ZNF124: variants seen among roughly 807,000 people sequenced by gnomAD.
ZNF124 encodes the protein zinc finger protein 124.
Under a neutral mutation model 26.6 loss-of-function variants are expected in ZNF124, and 25 were observed. That is an observed-to-expected ratio of 0.94 (90% confidence interval 0.68 to 1.31). The LOEUF (loss-of-function observed/expected upper bound fraction) is 1.31, where lower values mean the gene tolerates loss of function less well. Among genes scored for constraint, ZNF124 ranks in the 40% most tolerant of loss-of-function variants. The probability of loss-of-function intolerance (pLI) is 0.00; values close to 1 mark genes in which losing one functional copy is unlikely to be tolerated. For missense variants in ZNF124, 444 were observed against 422.2 expected, an observed-to-expected ratio of 1.05 and a Z score of -0.45; for synonymous variants, 129 against 133.3, an observed-to-expected ratio of 0.97 and a Z score of 0.22.
intron 3 of ZNF124, among the ~76,000 whole-genome samples, chr1:247,134,850 A>C (rs559498215): frequency 1.1e-4 from 16 of 152,352 alleles, no homozygotes; most frequent in African/African-American, 3.1e-4. Flanking sequence ...CATAATTGGA[A>C]GTAAGACACT....
At chr1:247,124,846 G>T (rs1216650661) in intron 3 of ZNF124, among the ~76,000 whole-genome samples, 1 of 152,162 alleles carries the variant, frequency 6.6e-6, no homozygotes, top group Non-Finnish European at 1.5e-5. Context: ...CACCCAGGCT[G>T]CAGTGCAGTG....
At chr1:247,158,368 A>C (rs1014083126) in intron 3 of ZNF124, among the ~76,000 whole-genome samples, 1 of 152,074 alleles carries the variant, frequency 6.6e-6, no homozygotes, top group Non-Finnish European at 1.5e-5. Context: ...CCATGACTGG[A>C]AGCTCTCTGA....
At chr1:247,139,542 T>C (rs551201342) in intron 3 of ZNF124, among the ~76,000 whole-genome samples, 1 of 152,362 alleles carries the variant, frequency 6.6e-6, no homozygotes, top group East Asian at 1.9e-4. Flanking sequence ...TGTCATGTTG[T>C]TAGCTGGTTA....
At chr1:247,139,630 A>G (rs1672575096) in intron 3 of ZNF124, among the ~76,000 whole-genome samples, 1 of 152,134 alleles carries the variant, frequency 6.6e-6, no homozygotes, top group Non-Finnish European at 1.5e-5. Context: ...ATTGGCTGGT[A>G]GCAGATTTTT....
intron 1 of ZNF124, among the ~76,000 whole-genome samples, chr1:247,162,419 A>G (rs560607037): frequency 6.6e-6 from 1 of 152,252 alleles, no homozygotes; most frequent in South Asian, 2.1e-4. Flanking sequence ...AGAAAAATCT[A>G]CAACACAAAT....
chr1:247,131,629 C>G (rs1672371147), intron 3 of ZNF124, among the ~76,000 whole-genome samples: 1 of 152,246 alleles, frequency 6.6e-6, no homozygotes, highest in Non-Finnish European at 1.5e-5. Context: ...AGCTAGGTCC[C>G]AAGACCTGTC....
At chr1:247,166,497 T>G (rs148370426) in intron 1 of ZNF124, among the ~76,000 whole-genome samples, 3,025 of 152,340 alleles carry the variant, frequency 0.02, 113 homozygotes, top group African/African-American at 0.069. Context: ...TTAGGTTGAT[T>G]CCATGTATTT....
intron 1 of ZNF124, among the ~76,000 whole-genome samples, chr1:247,167,807 C>T (rs553362394): frequency 6.6e-6 from 1 of 152,268 alleles, no homozygotes; most frequent in African/African-American, 2.4e-5. Context: ...AAAATCTTCA[C>T]CAACTATGCA....
At chr1:247,170,603 G>T (rs142529185) in intron 1 of ZNF124, among the ~76,000 whole-genome samples, 1 of 143,968 alleles carries the variant, frequency 6.9e-6, no homozygotes, top group Admixed American at 6.7e-5. Context: ...TCATTCTGCC[G>T]GAAGCTTTGG....
intron 3 of ZNF124, among the ~76,000 whole-genome samples, chr1:247,131,831 A>C (rs1018898386): frequency 6.6e-6 from 1 of 152,210 alleles, no homozygotes; most frequent in Non-Finnish European, 1.5e-5. Context: ...GCTGACCAGC[A>C]GACTTAGCCT....
chr1:247,147,334 C>G (rs1282227308), intron 3 of ZNF124, among the ~76,000 whole-genome samples: 1 of 151,348 alleles, frequency 6.6e-6, no homozygotes, highest in Admixed American at 6.6e-5. Context: ...TCAAGCCATT[C>G]TCCTGCCTCA....
In ZNF124 at chr1:247,156,029, ATTTTCCATAAGG is replaced by A; in HGVS notation, c.*525_*536del. On this transcript the variant is annotated 3_prime_UTR_variant, in exon 4 of 4. Coordinates refer to ENST00000543802, the MANE Select transcript of ZNF124 (RefSeq NM_001297568.2). ...TTTTCTTGAGAATTGTACTATAATT[ATTTTCCATAAGG>A]TTTTCCATAATATTTACATTTACAG... The A allele has an allele frequency of 1.0e-6, 1 of 959,690 alleles. No individual in the cohort carries two copies. Among genetic ancestry groups the A allele is most frequent in the South Asian group, 4.8e-5 (1 of 20,714 alleles). The allele number at this position is 959,690 out of a possible 1,614,324, so 59.4% of individuals were successfully genotyped here. A position where few individuals can be genotyped will look rare whatever the true frequency, so the allele number is the denominator to read the frequency against.
intron 1 of ZNF124, among the ~76,000 whole-genome samples, chr1:247,169,024 AAAT>A: frequency 6.6e-6 from 1 of 152,270 alleles, no homozygotes; most frequent in African/African-American, 2.4e-5. Context: ...TTAAAAAACT[AAAT>A]ATATATATAA....
chr1:247,145,577 CCA>C (rs1435396059), intron 3 of ZNF124, among the ~76,000 whole-genome samples: 1 of 152,110 alleles, frequency 6.6e-6, no homozygotes, highest in Non-Finnish European at 1.5e-5. Flanking sequence ...CAGATTCAAT[CCA>C]CAGCCTGGTT....
exon 4 of ZNF124, chr1:247,122,200 A>AGAT (rs1672099191): frequency 6.6e-6 from 1 of 152,258 alleles, no homozygotes; most frequent in African/African-American, 2.4e-5. Context: ...TTGATGAATC[A>AGAT]GATGAATCAG....
intron 1 of ZNF124, among the ~76,000 whole-genome samples, chr1:247,163,005 A>G (rs1412393744): frequency 6.6e-6 from 1 of 152,218 alleles, no homozygotes; most frequent in Non-Finnish European, 1.5e-5. Context: ...TGCACATGGC[A>G]CATACTCTAA....
At position 247,168,819 on chromosome 1, in the gene ZNF124, C is replaced by T. The variant is rs955519556; in HGVS notation, c.30+3029G>A. 1.3e-5 allele frequency among the ~76,000 whole-genome samples: 2 copies of T among 149,286 alleles called. No homozygotes were observed. Among genetic ancestry groups the T allele is most frequent in the African/African-American group, 4.9e-5 (2 of 40,820 alleles). On this transcript the variant is annotated intron_variant, in intron 1 of 3. Transcript: ENST00000543802. The surrounding 1 kb of genome is among the most constrained non-coding windows in gnomAD (Gnocchi z 4.0). ...GAGCTAAGCTATGAGGTTACAAAGG[C>T]ATAAGAATGATATAATGGACCTTGG...
chr1:247,133,557 T>C (rs1672416810), intron 3 of ZNF124, among the ~76,000 whole-genome samples: 1 of 151,638 alleles, frequency 6.6e-6, no homozygotes, highest in African/African-American at 2.4e-5. Context: ...CCAGGTCACC[T>C]ACAAAGGGAA....
chr1:247,134,341 T>C (rs564934567), intron 3 of ZNF124, among the ~76,000 whole-genome samples: 2 of 152,310 alleles, frequency 1.3e-5, no homozygotes, highest in Admixed American at 6.5e-5. Context: ...CTCATCAGTG[T>C]GCTGTATTCA....
Sources: gnomAD v4.1 joint callset for allele counts (sites outside exome capture counted in the v4.1 genomes callset) on GRCh38, gnomAD v4.1.1 for gene constraint, Gnocchi (gnomAD v3.1) non-coding constraint, MANE v1.5 for transcripts, NCBI Gene and HGNC (gene_info 2026-07-23, HGNC 2026-07-21) for gene names.